The following LDLRAD3 variants were observed in gnomAD, a reference collection of about 807,000 sequenced individuals.
LDLRAD3 encodes the protein low density lipoprotein receptor class A domain containing 3.
LDLRAD3 carries 20 observed loss-of-function variants against 29.4 expected under a neutral mutation model. The ratio of observed to expected loss-of-function variants is 0.68; its 90% CI spans 0.48 to 0.99. The LOEUF is 0.99. LDLRAD3 is among the 50% of genes least tolerant of loss of function. LDLRAD3 has a pLI of 0.00. For missense variants in LDLRAD3, 420 were observed against 454.3 expected, an observed-to-expected ratio of 0.92 and a Z score of 0.69; for synonymous variants, 157 against 192.7, an observed-to-expected ratio of 0.81 and a Z score of 1.53.
At chr11:36,019,266 C>T (rs898197674) in intron 1 of LDLRAD3, among the ~76,000 whole-genome samples, 15 of 152,084 alleles carry the variant, frequency 9.9e-5, no homozygotes, top group African/African-American at 2.7e-4. Flanking sequence ...TCTCTTGCCC[C>T]GTGTCTCTTA....
chr11:35,946,006 C>T (rs972027358), intron 1 of LDLRAD3, among the ~76,000 whole-genome samples: 8 of 152,178 alleles, frequency 5.3e-5, no homozygotes, highest in African/African-American at 1.9e-4. Context: ...TTTAGAGTTG[C>T]TGCCTTAGAA....
intron 1 of LDLRAD3, among the ~76,000 whole-genome samples, chr11:35,954,662 G>T (rs774593727): frequency 6.6e-6 from 1 of 152,140 alleles, no homozygotes; most frequent in Non-Finnish European, 1.5e-5. Context: ...CTTCTCCTTC[G>T]CTGGAGTTTA....
At chr11:36,151,207 T>C (rs1854273772) in intron 4 of LDLRAD3, among the ~76,000 whole-genome samples, 1 of 152,196 alleles carries the variant, frequency 6.6e-6, no homozygotes, top group Admixed American at 6.5e-5. Flanking sequence ...GGGAATGACC[T>C]GAATTCTATC....
At chr11:36,181,058 G>A (rs1854755131) in intron 4 of LDLRAD3, among the ~76,000 whole-genome samples, 1 of 151,968 alleles carries the variant, frequency 6.6e-6, no homozygotes. Context: ...AGCTGATCTC[G>A]GGCAGAGATT....
chr11:36,074,618 A>G (rs182361694), intron 2 of LDLRAD3, among the ~76,000 whole-genome samples: 4 of 152,260 alleles, frequency 2.6e-5, no homozygotes, highest in African/African-American at 7.2e-5. Flanking sequence ...TTCTAACGTA[A>G]TGGGAAGGCA....
intron 1 of LDLRAD3, among the ~76,000 whole-genome samples, chr11:36,017,380 A>C (rs1852036504): frequency 6.6e-6 from 1 of 152,196 alleles, no homozygotes; most frequent in East Asian, 1.9e-4. Flanking sequence ...CTAACAAGCA[A>C]AATAGCTCTC....
chr11:36,008,279 C>T (rs1308430603), intron 1 of LDLRAD3, among the ~76,000 whole-genome samples: 1 of 152,064 alleles, frequency 6.6e-6, no homozygotes, highest in Non-Finnish European at 1.5e-5. Flanking sequence ...GAATGTGCAC[C>T]TGAGGCCTGA....
intron 4 of LDLRAD3, among the ~76,000 whole-genome samples, chr11:36,220,195 G>A (rs1397286231): frequency 6.6e-6 from 1 of 152,180 alleles, no homozygotes; most frequent in Non-Finnish European, 1.5e-5. Context: ...ATTACTAAGT[G>A]CTGGTGAGGA....
At chr11:36,069,903 G>A (rs937335141) in intron 2 of LDLRAD3, among the ~76,000 whole-genome samples, 3 of 152,226 alleles carry the variant, frequency 2.0e-5, no homozygotes, top group African/African-American at 7.2e-5. Context: ...AACGGAATGA[G>A]TAAGGCCTCA....
chr11:36,100,017 T>C (rs1263819775), intron 4 of LDLRAD3, among the ~76,000 whole-genome samples: 2 of 152,042 alleles, frequency 1.3e-5, no homozygotes, highest in African/African-American at 2.4e-5. Flanking sequence ...ACTCCGAAAA[T>C]GCAGTTGTTC....
At chr11:36,154,269 G>A (rs1310051665) in intron 4 of LDLRAD3, among the ~76,000 whole-genome samples, 1 of 152,148 alleles carries the variant, frequency 6.6e-6, no homozygotes, top group Admixed American at 6.5e-5. Flanking sequence ...TGAAGAATGT[G>A]CCCATGATAC....
chr11:36,123,329 C>T (rs1478905892), intron 4 of LDLRAD3, among the ~76,000 whole-genome samples: 1 of 152,214 alleles, frequency 6.6e-6, no homozygotes, highest in East Asian at 1.9e-4. Context: ...GCCTAGAGCT[C>T]AGCTAATCGT....
chr11:36,188,913 T>G (rs1458065201), intron 4 of LDLRAD3, among the ~76,000 whole-genome samples: 2 of 151,974 alleles, frequency 1.3e-5, no homozygotes, highest in Non-Finnish European at 2.9e-5. Context: ...TTTAAGAGAT[T>G]GGATGTCAAT....
intron 4 of LDLRAD3, among the ~76,000 whole-genome samples, chr11:36,123,788 G>A (rs529219094): frequency 2.7e-4 from 41 of 152,332 alleles, no homozygotes; most frequent in African/African-American, 7.7e-4. Context: ...ACTCTTGTCC[G>A]AGGGTCTGTG....
Position 35,969,803 on chromosome 11 carries a change from G to A in LDLRAD3, c.46+25659G>A, listed in dbSNP as rs147168937. ...TGGCAGAACCAGCTCCTCCAGGGAGGAGGCATGTGGGGCCCACGTGCATGC... is the reference window on the plus strand; with the variant it reads ...TGGCAGAACCAGCTCCTCCAGGGAGAAGGCATGTGGGGCCCACGTGCATGC... On this transcript the variant is annotated intron_variant, in intron 1 of 5. Transcript: ENST00000315571. Among the ~76,000 whole-genome samples, 750 of 152,328 alleles carry A rather than the reference G, an allele frequency of 4.9e-3. 2 individuals are homozygous for A. The highest frequency in any genetic ancestry group is 0.01 in the Middle Eastern group (3 of 294).
At chr11:36,096,020 A>G (rs1853355225) in intron 3 of LDLRAD3, among the ~76,000 whole-genome samples, 1 of 152,140 alleles carries the variant, frequency 6.6e-6, no homozygotes, top group Non-Finnish European at 1.5e-5. Context: ...TTTCAGCTTG[A>G]TCCAGTTGAG....
At chr11:36,216,011 C>T (rs1220500838) in intron 4 of LDLRAD3, among the ~76,000 whole-genome samples, 2 of 152,164 alleles carry the variant, frequency 1.3e-5, no homozygotes, top group Non-Finnish European at 1.5e-5. Flanking sequence ...ATGTAAGACG[C>T]GGCAGAGTGT....
At chr11:36,199,742 C>G (rs1418474525) in intron 4 of LDLRAD3, among the ~76,000 whole-genome samples, 1 of 152,192 alleles carries the variant, frequency 6.6e-6, no homozygotes, top group African/African-American at 2.4e-5. Flanking sequence ...GTTGATTTTT[C>G]TCTTATATTT....
chr11:36,085,397 T>C (rs569622280), intron 3 of LDLRAD3, among the ~76,000 whole-genome samples: 1 of 151,932 alleles, frequency 6.6e-6, no homozygotes, highest in South Asian at 2.1e-4. Context: ...ATAGCGTGTC[T>C]GGGTATAATT....
Sources: allele counts gnomAD v4.1 joint callset (sites outside exome capture counted in the v4.1 genomes callset), GRCh38; gene constraint gnomAD v4.1.1; transcripts MANE v1.5; gene names NCBI Gene and HGNC (gene_info 2026-07-23, HGNC 2026-07-21).